The following SPI1 variants were observed in gnomAD, a reference collection of about 807,000 sequenced individuals.
The protein encoded by SPI1 is Spi-1 proto-oncogene.
Under a neutral mutation model 30.7 loss-of-function variants are expected in SPI1, and 3 were observed. That is an observed-to-expected ratio of 0.10 (90% CI 0.04 to 0.25). The LOEUF (loss-of-function observed/expected upper bound fraction) is 0.25. Among genes scored for constraint, SPI1 ranks in the 10% least tolerant of loss-of-function variants. SPI1 has a pLI of 1.00. For synonymous variants in SPI1, 169 were observed against 157.1 expected, an observed-to-expected ratio of 1.08 and a Z score of -0.56; for missense variants, 261 against 371.5, an observed-to-expected ratio of 0.70 and a Z score of 2.45.
chr11:47,356,107 CCA>C (rs1359519643), intron 4 of SPI1, among the ~76,000 whole-genome samples: 2 of 150,976 alleles, frequency 1.3e-5, no homozygotes, highest in South Asian at 2.1e-4. Context: ...CACCCAAACG[CCA>C]GATTGCACCC....
At chr11:47,361,439 C>T (rs754567514) in intron 2 of SPI1, among the ~76,000 whole-genome samples, 11 of 152,202 alleles carry the variant, frequency 7.2e-5, no homozygotes, top group Non-Finnish European at 1.5e-4. Flanking sequence ...GACTGAAGTC[C>T]GGGGAATAAC....
chr11:47,356,199 G>C (rs2095908811), intron 4 of SPI1, among the ~76,000 whole-genome samples: 1 of 148,266 alleles, frequency 6.7e-6, no homozygotes, highest in South Asian at 2.2e-4. Context: ...CAATGCACCA[G>C]CTCACACTCA....
At chr11:47,362,113 T>C (rs1440640340) in intron 2 of SPI1, among the ~76,000 whole-genome samples, 1 of 152,190 alleles carries the variant, frequency 6.6e-6, no homozygotes, top group East Asian at 1.9e-4. Flanking sequence ...TCCTCATCTG[T>C]TAAATGGGGC....
intron 4 of SPI1, 134 bp from the exon 5 acceptor site, chr11:47,355,680 C>T (rs1257753508): frequency 1.0e-5 from 7 of 702,032 alleles, no homozygotes; most frequent in African/African-American, 9.1e-5. Context: ...CAGCCCGCGC[C>T]GGGCGTGCAT....
intron 4 of SPI1, chr11:47,358,587 A>C: frequency 1.4e-6 from 1 of 703,432 alleles, no homozygotes; most frequent in Non-Finnish European, 2.6e-6. Context: ...ACACACCCAG[A>C]TGTACACACA....
At chr11:47,355,617 C>A in intron 4 of SPI1, 71 bp from the exon 5 acceptor site, 2 of 1,343,136 alleles carry the variant, frequency 1.5e-6, no homozygotes, top group South Asian at 1.4e-5. Context: ...GCCTTGCGTA[C>A]GCACAGGGGC....
At chr11:47,366,847 G>GAA (rs959505122) in intron 2 of SPI1, among the ~76,000 whole-genome samples, 10 of 136,566 alleles carry the variant, frequency 7.3e-5, no homozygotes, top group African/African-American at 2.2e-4. Flanking sequence ...GAAAAGAAAA[G>GAA]AAAAGAAACA....
rs566444309 is a variant in SPI1 at position 47,378,192 on chromosome 11, C to T, written c.45+117G>A. 56 of 1,140,322 alleles carry T rather than the reference C, an allele frequency of 4.9e-5. No individual in the cohort carries two copies. In the African/African-American group the frequency reaches 6.7e-4, roughly 14 times the overall value. 70.6% of individuals were successfully genotyped at this position (1,140,322 alleles called of 1,614,324 possible). The stretch of plus-strand genomic sequence containing the variant: ...GGCCAGGAGTTCCAGGGAGGAAACC[C>T]TGACTTCCCACTGATAGCAAGCCAG... On this transcript the variant is annotated intron_variant, in intron 1 of 4. Transcript: ENST00000378538.
intron 2 of SPI1, among the ~76,000 whole-genome samples, chr11:47,368,323 C>T (rs1232313504): frequency 2.6e-5 from 4 of 152,148 alleles, no homozygotes. Context: ...TGAGATCGTA[C>T]CACTCCACTC....
chr11:47,363,642 C>T (rs866145664), intron 2 of SPI1, among the ~76,000 whole-genome samples: 6 of 152,082 alleles, frequency 3.9e-5, no homozygotes, highest in Non-Finnish European at 7.4e-5. Flanking sequence ...CATGAGCCAC[C>T]GAGCCCAGCT....
At chr11:47,357,355 C>A (rs2095912762) in intron 4 of SPI1, among the ~76,000 whole-genome samples, 1 of 72,840 alleles carries the variant, frequency 1.4e-5, no homozygotes, top group Non-Finnish European at 2.9e-5. Flanking sequence ...ATATTTCACA[C>A]CACTTACACT....
intron 4 of SPI1, among the ~76,000 whole-genome samples, chr11:47,356,230 TTCAC>T (rs1008334853): frequency 6.9e-6 from 1 of 144,760 alleles, no homozygotes; most frequent in African/African-American, 2.6e-5. Flanking sequence ...CACACACTCA[TTCAC>T]TAACATGCCC....
chr11:47,363,940 G>A (rs1473009774), intron 2 of SPI1, among the ~76,000 whole-genome samples: 1 of 124,016 alleles, frequency 8.1e-6, no homozygotes, highest in Non-Finnish European at 1.6e-5. Context: ...TCCCGCCTGG[G>A]CAATAGAGCC....
At chr11:47,370,442 G>A (rs907092617) in intron 2 of SPI1, among the ~76,000 whole-genome samples, 5 of 151,086 alleles carry the variant, frequency 3.3e-5, no homozygotes, top group African/African-American at 7.3e-5. Flanking sequence ...GGTGGCTCAC[G>A]CCTGTAATTC....
chr11:47,361,138 AAAAAG>A (rs749684349), intron 2 of SPI1, among the ~76,000 whole-genome samples: 3 of 152,236 alleles, frequency 2.0e-5, no homozygotes, highest in African/African-American at 4.8e-5. Context: ...AAAAAAAAGA[AAAAAG>A]AAAAGAAAAA....
chr11:47,375,563 T>G lies in SPI1; in HGVS notation c.142+70A>C, dbSNP rs768745485. 9.9e-5 allele frequency: 120 copies of G among 1,212,548 alleles called. No individual in the cohort carries two copies. Among genetic ancestry groups the G allele is most frequent in the Middle Eastern group, 7.6e-4 (4 of 5,234 alleles). 75.1% of individuals were successfully genotyped at this position (1,212,548 alleles called of 1,614,324 possible). ...AGAAGTCCTGGGAATCATTTATTCTTTTTCTCTCTCCAGACCCCAGGAGCC... is the reference window on the plus strand; with the variant it reads ...AGAAGTCCTGGGAATCATTTATTCTGTTTCTCTCTCCAGACCCCAGGAGCC... On this transcript the variant is annotated intron_variant, in intron 2 of 4. Coordinates refer to ENST00000378538, the MANE Select transcript of SPI1 (RefSeq NM_003120.3). This position sits in a 1 kb window ranked among gnomAD's most constrained non-coding sequence, Gnocchi z 4.2.
intron 1 of SPI1, 32 bp downstream of exon 1, chr11:47,378,277 G>A: frequency 6.2e-7 from 1 of 1,611,350 alleles, no homozygotes; most frequent in East Asian, 2.2e-5. Flanking sequence ...GAGGGCCACG[G>A]GTTGGGCTGG....
In SPI1 at chr11:47,372,103, T is replaced by C. The variant is rs181454192; in HGVS notation, c.142+3530A>G. 6.2e-4 allele frequency among the ~76,000 whole-genome samples: 94 copies of C among 151,814 alleles called. 1 individual carries two copies. The highest frequency in any genetic ancestry group is 1.8e-4 in the Non-Finnish European group (12 of 67,906). ...TGCAGAAAATGGTCTCTTTGTCTGA[T>C]TCTTTTTTTTTTTTTTTTGCTGGAG... On this transcript the variant is annotated intron_variant, in intron 2 of 4. Coordinates refer to ENST00000378538, the MANE Select transcript of SPI1 (RefSeq NM_003120.3).
intron 2 of SPI1, among the ~76,000 whole-genome samples, chr11:47,370,316 T>C (rs775199167): frequency 3.7e-4 from 56 of 150,412 alleles, no homozygotes; most frequent in Non-Finnish European, 6.9e-4. Context: ...AGCAGGAGAA[T>C]TGCTGGAACC....
Sources: gnomAD v4.1 joint callset for allele counts (sites outside exome capture counted in the v4.1 genomes callset) on GRCh38, gnomAD v4.1.1 for gene constraint, Gnocchi (gnomAD v3.1) non-coding constraint, MANE v1.5 for transcripts, NCBI Gene and HGNC (gene_info 2026-07-23, HGNC 2026-07-21) for gene names.